Variants in RARB observed in about 807,000 individuals in gnomAD.
RARB encodes retinoic acid receptor beta.
A neutral mutation model predicts 51.9 loss-of-function variants in RARB; 17 were observed. The observed-to-expected ratio is 0.33, with a 90% confidence interval of 0.22 to 0.49. RARB has a LOEUF of 0.49. Among genes scored for constraint, RARB ranks in the 20% least tolerant of loss-of-function variants. RARB has a pLI of 0.99. For synonymous variants in RARB, 215 were observed against 195.4 expected (o/e 1.10, Z -0.84); for missense variants, 369 against 550.8 (o/e 0.67, Z 3.30).
At chr3:25,102,274 C>T (rs1241042028) in intron 3 of RARB, among the ~76,000 whole-genome samples, 1 of 152,196 alleles carries the variant, frequency 6.6e-6, no homozygotes, top group African/African-American at 2.4e-5. Context: ...GGCACTGTGG[C>T]TCACACCTGT....
intron 3 of RARB, among the ~76,000 whole-genome samples, chr3:25,094,360 G>A (rs2125318210): frequency 6.6e-6 from 1 of 152,134 alleles, no homozygotes; most frequent in East Asian, 1.9e-4. Context: ...TATGTCCTGG[G>A]CAAATAGCAA....
At chr3:25,015,800 G>C (rs960176881) in intron 2 of RARB, among the ~76,000 whole-genome samples, 3 of 152,184 alleles carry the variant, frequency 2.0e-5, no homozygotes, top group African/African-American at 7.2e-5. Context: ...ATTTCAAGAA[G>C]TCAATGGACA....
intron 2 of RARB, among the ~76,000 whole-genome samples, chr3:24,862,606 C>A (rs1228882332): frequency 2.0e-5 from 3 of 152,106 alleles, no homozygotes; most frequent in African/African-American, 7.2e-5. Context: ...GCTGTATATT[C>A]TGAGTCTGGT....
At chr3:25,123,221 C>G (rs1404574362) in intron 3 of RARB, among the ~76,000 whole-genome samples, 1 of 152,132 alleles carries the variant, frequency 6.6e-6, no homozygotes, top group Non-Finnish European at 1.5e-5. Context: ...TCTCACCTTC[C>G]ATTACTTTAT....
chr3:25,483,827 T>C (rs1696343434), intron 2 of RARB, among the ~76,000 whole-genome samples: 1 of 152,222 alleles, frequency 6.6e-6, no homozygotes, highest in Non-Finnish European at 1.5e-5. Context: ...AAATATTTTA[T>C]CATTAATGTG....
chr3:25,339,520 C>T (rs1422912530), intron 5 of RARB, among the ~76,000 whole-genome samples: 1 of 151,868 alleles, frequency 6.6e-6, no homozygotes, highest in African/African-American at 2.4e-5. Flanking sequence ...ACTCAGGAGG[C>T]TGCTGGAATC....
At chr3:24,864,345 T>G (rs1372189728) in intron 2 of RARB, among the ~76,000 whole-genome samples, 1 of 152,238 alleles carries the variant, frequency 6.6e-6, no homozygotes, top group African/African-American at 2.4e-5. Flanking sequence ...GTGTTGTTCC[T>G]TTGCGTTTTT....
chr3:25,202,878 C>G (rs926892667), intron 5 of RARB, among the ~76,000 whole-genome samples: 2 of 152,074 alleles, frequency 1.3e-5, no homozygotes, highest in East Asian at 1.9e-4. Flanking sequence ...TTTGGAATAA[C>G]TGCAATGTGG....
At chr3:24,921,078 G>T (rs145389142) in intron 2 of RARB, among the ~76,000 whole-genome samples, 2 of 152,122 alleles carry the variant, frequency 1.3e-5, no homozygotes, top group Non-Finnish European at 1.5e-5. Flanking sequence ...GCACCTGTCT[G>T]TTCTATAGAC....
chr3:25,258,790 C>A (rs549667428), intron 5 of RARB, among the ~76,000 whole-genome samples: 2 of 152,204 alleles, frequency 1.3e-5, no homozygotes, highest in South Asian at 4.1e-4. Context: ...CAGGCACCTG[C>A]AAAAGACACC....
At chr3:25,475,882 C>T (rs1043693993) in intron 2 of RARB, among the ~76,000 whole-genome samples, 11 of 152,138 alleles carry the variant, frequency 7.2e-5, no homozygotes, top group African/African-American at 2.7e-4. Flanking sequence ...ATGGTAAGGC[C>T]AGGTTATGCT....
chr3:24,903,609 C>G (rs1694772568), intron 2 of RARB, among the ~76,000 whole-genome samples: 1 of 152,102 alleles, frequency 6.6e-6, no homozygotes, highest in African/African-American at 2.4e-5. Flanking sequence ...ATTACGCAAA[C>G]AACACATTCA....
intron 3 of RARB, among the ~76,000 whole-genome samples, chr3:25,568,721 T>C (rs1174507368): frequency 6.6e-6 from 1 of 152,108 alleles, no homozygotes; most frequent in East Asian, 1.9e-4. Flanking sequence ...CCTGGGTCAT[T>C]TTGCAGTGCA....
At chr3:25,382,940 G>C (rs1460310555) in intron 5 of RARB, among the ~76,000 whole-genome samples, 1 of 152,088 alleles carries the variant, frequency 6.6e-6, no homozygotes, top group East Asian at 1.9e-4. Flanking sequence ...GTAGATCGTG[G>C]GTCATAACTT....
chr3:25,526,546 ATTAAG>A (rs1022973623), intron 3 of RARB, among the ~76,000 whole-genome samples: 9 of 152,222 alleles, frequency 5.9e-5, no homozygotes, highest in African/African-American at 2.2e-4. Flanking sequence ...GAAATGAAAA[ATTAAG>A]TTAAATTTAA....
chr3:24,996,863 T>G (rs1697050999), intron 2 of RARB, among the ~76,000 whole-genome samples: 1 of 152,114 alleles, frequency 6.6e-6, no homozygotes, highest in African/African-American at 2.4e-5. Flanking sequence ...AGAGACTTGT[T>G]TTGTGTGCTA....
chr3:25,126,154 A>G (rs928092383), intron 3 of RARB, among the ~76,000 whole-genome samples: 1 of 152,184 alleles, frequency 6.6e-6, no homozygotes, highest in African/African-American at 2.4e-5. Context: ...TTTCATTAAA[A>G]ACATCATAAA....
At chr3:25,540,314 G>A (rs1462038395) in intron 3 of RARB, among the ~76,000 whole-genome samples, 9 of 152,152 alleles carry the variant, frequency 5.9e-5, no homozygotes, top group Non-Finnish European at 8.8e-5. Flanking sequence ...AAGCGGTTTA[G>A]GCTTTTTAAT....
At chr3:25,105,670 T>C (rs1246238705) in intron 3 of RARB, among the ~76,000 whole-genome samples, 1 of 152,234 alleles carries the variant, frequency 6.6e-6, no homozygotes, top group Non-Finnish European at 1.5e-5. Flanking sequence ...GCTTCTTTTA[T>C]CTGCCTTGTA....
Sources: gnomAD v4.1 joint callset for allele counts (sites outside exome capture counted in the v4.1 genomes callset) on GRCh38, gnomAD v4.1.1 for gene constraint, MANE v1.5 for transcripts, NCBI Gene and HGNC (gene_info 2026-07-23, HGNC 2026-07-21) for gene names.